ITGBL1: variants seen among roughly 807,000 people sequenced by gnomAD.
ITGBL1 encodes integrin subunit beta like 1, also known as integrin beta-like protein 1.
Under a neutral mutation model 68.5 loss-of-function variants are expected in ITGBL1, and 51 were observed. That is an observed-to-expected ratio of 0.74 (90% CI 0.59 to 0.94). The LOEUF (loss-of-function observed/expected upper bound fraction) is 0.94, where lower values mean the gene tolerates loss of function less well. Ranked by LOEUF, ITGBL1 falls within the 40% of genes least tolerant of loss-of-function variation. The pLI is 0.00. For missense variants in ITGBL1, 649 were observed against 647.4 expected (o/e 1.00, Z -0.03); for synonymous variants, 209 against 227.3 (o/e 0.92, Z 0.72).
chr13:101,668,123 C>G (rs887231597), intron 7 of ITGBL1, among the ~76,000 whole-genome samples: 1 of 152,182 alleles, frequency 6.6e-6, no homozygotes, highest in Non-Finnish European at 1.5e-5. Flanking sequence ...TGCAGTTGCT[C>G]ATGCCTGTAA....
intron 7 of ITGBL1, among the ~76,000 whole-genome samples, chr13:101,631,928 G>A (rs936040302): frequency 6.6e-6 from 1 of 152,024 alleles, no homozygotes; most frequent in Non-Finnish European, 1.5e-5. Context: ...ACAACCGAAT[G>A]TAAAAGTCTA....
intron 7 of ITGBL1, among the ~76,000 whole-genome samples, chr13:101,686,326 C>A (rs1213296382): frequency 1.3e-5 from 2 of 151,758 alleles, no homozygotes; most frequent in Admixed American, 6.6e-5. Context: ...TATATGGCAA[C>A]CATATAAAGA....
intron 2 of ITGBL1, among the ~76,000 whole-genome samples, chr13:101,455,815 C>T (rs937336430): frequency 9.2e-5 from 14 of 152,208 alleles, no homozygotes; most frequent in African/African-American, 3.4e-4. Context: ...TTGACTGTTA[C>T]TTGGCTTCTC....
chr13:101,680,169 T>G (rs2033608014), intron 7 of ITGBL1, among the ~76,000 whole-genome samples: 1 of 152,196 alleles, frequency 6.6e-6, no homozygotes, highest in African/African-American at 2.4e-5. Context: ...ATATTTGTAC[T>G]TAGCTGAAAT....
intron 8 of ITGBL1, among the ~76,000 whole-genome samples, chr13:101,696,119 T>C (rs3783224): frequency 0.035 from 5,370 of 152,078 alleles, 256 homozygotes; most frequent in East Asian, 0.23. Context: ...GAGAAAATAG[T>C]CCCCAATTAT....
At chr13:101,504,359 A>G (rs2048991923) in intron 2 of ITGBL1, among the ~76,000 whole-genome samples, 1 of 152,138 alleles carries the variant, frequency 6.6e-6, no homozygotes, top group South Asian at 2.1e-4. Flanking sequence ...TCTGACACCC[A>G]AGTCCAAGCT....
chr13:101,505,577 T>G (rs1442387096), intron 2 of ITGBL1, among the ~76,000 whole-genome samples: 1 of 152,194 alleles, frequency 6.6e-6, no homozygotes, highest in African/African-American at 2.4e-5. Context: ...ATTGTCTTAT[T>G]CAATCTTTAT....
At chr13:101,520,694 G>A (rs2049271115) in intron 2 of ITGBL1, among the ~76,000 whole-genome samples, 3 of 152,204 alleles carry the variant, frequency 2.0e-5, no homozygotes, top group Admixed American at 1.3e-4. Flanking sequence ...CTGGAACCAA[G>A]GGATTTAGCA....
intron 7 of ITGBL1, among the ~76,000 whole-genome samples, chr13:101,671,478 G>C (rs1294127799): frequency 2.6e-5 from 3 of 113,560 alleles, no homozygotes; most frequent in African/African-American, 6.4e-5. Context: ...TCGCTCTGTC[G>C]CCCGGGCTGG....
chr13:101,585,156 T>C (rs770251196), intron 6 of ITGBL1, among the ~76,000 whole-genome samples: 3 of 152,078 alleles, frequency 2.0e-5, no homozygotes, highest in Admixed American at 6.5e-5. Flanking sequence ...TAATGATGGT[T>C]TTAGGCAATA....
chr13:101,580,831 G>A (rs934948883), intron 5 of ITGBL1, among the ~76,000 whole-genome samples: 1 of 152,194 alleles, frequency 6.6e-6, no homozygotes, highest in Non-Finnish European at 1.5e-5. Flanking sequence ...GGCTGTGAGA[G>A]ACGATGTCCT....
At chr13:101,665,850 C>T (rs974980304) in intron 7 of ITGBL1, among the ~76,000 whole-genome samples, 3 of 152,134 alleles carry the variant, frequency 2.0e-5, no homozygotes, top group African/African-American at 7.2e-5. Flanking sequence ...CAGCGTTGCA[C>T]AAAGACCACC....
intron 7 of ITGBL1, among the ~76,000 whole-genome samples, chr13:101,600,286 T>G (rs1285678328): frequency 3.9e-5 from 6 of 152,180 alleles, no homozygotes; most frequent in Non-Finnish European, 8.8e-5. Flanking sequence ...CACATTGATT[T>G]TGTATCCTGA....
intron 7 of ITGBL1, among the ~76,000 whole-genome samples, chr13:101,679,527 C>G (rs2033590767): frequency 6.6e-6 from 1 of 152,170 alleles, no homozygotes; most frequent in South Asian, 2.1e-4. Flanking sequence ...TTTACATGGG[C>G]TGCTTCATGG....
intron 7 of ITGBL1, among the ~76,000 whole-genome samples, chr13:101,678,902 A>G (rs914448527): frequency 2.8e-4 from 42 of 147,928 alleles, no homozygotes; most frequent in Non-Finnish European, 5.4e-4. Flanking sequence ...CATCTTCAAG[A>G]AACACTTTTT....
intron 7 of ITGBL1, among the ~76,000 whole-genome samples, chr13:101,659,184 A>G (rs2033017621): frequency 6.6e-6 from 1 of 150,718 alleles, no homozygotes; most frequent in African/African-American, 2.4e-5. Context: ...CTCAGCCTCC[A>G]GAGTCTACTT....
intron 2 of ITGBL1, among the ~76,000 whole-genome samples, chr13:101,502,409 T>C (rs911901711): frequency 1.3e-5 from 2 of 152,202 alleles, no homozygotes; most frequent in African/African-American, 4.8e-5. Flanking sequence ...TCTTGGTGCC[T>C]AGTCCTTCAT....
intron 2 of ITGBL1, among the ~76,000 whole-genome samples, chr13:101,564,510 A>G (rs1457170636): frequency 6.6e-6 from 1 of 151,312 alleles, no homozygotes; most frequent in East Asian, 1.9e-4. Flanking sequence ...ATGTATATAC[A>G]ACAATTTATA....
chr13:101,620,056 A>G (rs758850933), intron 7 of ITGBL1, among the ~76,000 whole-genome samples: 2 of 152,206 alleles, frequency 1.3e-5, no homozygotes, highest in Non-Finnish European at 2.9e-5. Context: ...CATAATATGC[A>G]TTATATTCCG....
Sources: allele counts gnomAD v4.1 joint callset (sites outside exome capture counted in the v4.1 genomes callset), GRCh38; gene constraint gnomAD v4.1.1; transcripts MANE v1.5; gene names NCBI Gene and HGNC (gene_info 2026-07-23, HGNC 2026-07-21).